ZFAT: variants seen among roughly 807,000 people sequenced by gnomAD.
The protein encoded by ZFAT is zinc finger protein ZFAT.
A neutral mutation model predicts 117.7 loss-of-function variants in ZFAT; 64 were observed. The ratio of observed to expected loss-of-function variants is 0.54; its 90% CI spans 0.44 to 0.67. The LOEUF is 0.67. ZFAT is among the 30% of genes least tolerant of loss of function. ZFAT has a pLI of 0.00. For missense variants in ZFAT, 1,433 were observed against 1,584.5 expected (o/e 0.90, Z 1.62); for synonymous variants, 679 against 615.0 (o/e 1.10, Z -1.54).
Position 134,654,707 on chromosome 8 carries a change from C to T in ZFAT, c.196+2854G>A, listed in dbSNP as rs117230525. Reference sequence around the variant, plus strand: ...GGTGACAGCTGGGACGGAGGGAGGGCAGCAAGGCCCAAGGCAAGAAAGCAA... The same window carrying T: ...GGTGACAGCTGGGACGGAGGGAGGGTAGCAAGGCCCAAGGCAAGAAAGCAA... On this transcript the variant is annotated intron_variant, in intron 2 of 15. Coordinates refer to ENST00000377838, the MANE Select transcript of ZFAT (RefSeq NM_020863.4). 7.9e-3 allele frequency among the ~76,000 whole-genome samples: 1,204 copies of T among 152,302 alleles called. 9 individuals carry two copies. The highest frequency in any genetic ancestry group is 0.013 in the Non-Finnish European group (903 of 68,024).
the ZFAT span, among the ~76,000 whole-genome samples, chr8:134,790,142 T>C: frequency 1.3e-5 from 2 of 150,196 alleles, no homozygotes; most frequent in Admixed American, 1.3e-4. Context: ...GATTAAAGGT[T>C]TTCAGACTGA....
chr8:134,784,963 G>A, the ZFAT span: 1 of 152,046 alleles, frequency 6.6e-6, no homozygotes, highest in Non-Finnish European at 1.5e-5. Context: ...TAAGTGTTCT[G>A]ACAATTTCTG....
At chr8:134,734,537 G>A in the ZFAT span, among the ~76,000 whole-genome samples, 2 of 152,244 alleles carry the variant, frequency 1.3e-5, no homozygotes, top group East Asian at 1.9e-4. Context: ...TTATCTTGGT[G>A]AAGCTGCATG....
chr8:134,793,978 G>C, the ZFAT span: 1 of 152,182 alleles, frequency 6.6e-6, no homozygotes. Context: ...CAAAAAATAT[G>C]AAGTCAAAAT....
chr8:134,514,021 G>T (rs888598624), intron 13 of ZFAT, among the ~76,000 whole-genome samples: 3 of 152,238 alleles, frequency 2.0e-5, no homozygotes, highest in Non-Finnish European at 4.4e-5. Context: ...AACCTGAAAG[G>T]TTCCTCCTCA....
At chr8:134,815,264 TATA>T in the ZFAT span, among the ~76,000 whole-genome samples, 1 of 152,216 alleles carries the variant, frequency 6.6e-6, no homozygotes, top group Non-Finnish European at 1.5e-5. Flanking sequence ...CTGTAACATC[TATA>T]ATTGCATAAC....
At chr8:134,755,451 T>C in the ZFAT span, among the ~76,000 whole-genome samples, 9 of 151,036 alleles carry the variant, frequency 6.0e-5, no homozygotes, top group African/African-American at 2.2e-4. Context: ...AAGTGGTTTT[T>C]GGTTACATGG....
At chr8:134,614,274 C>A (rs949972143) in intron 3 of ZFAT, among the ~76,000 whole-genome samples, 2 of 152,190 alleles carry the variant, frequency 1.3e-5, no homozygotes, top group Admixed American at 1.3e-4. Flanking sequence ...TTATCTCCTA[C>A]CCCTTTGGGC....
chr8:134,577,552 T>C (rs529513637), intron 10 of ZFAT, among the ~76,000 whole-genome samples: 1 of 152,354 alleles, frequency 6.6e-6, no homozygotes, highest in South Asian at 2.1e-4. Context: ...TGAGTACTAC[T>C]ATATCGCAAC....
chr8:134,774,833 T>C, the ZFAT span, among the ~76,000 whole-genome samples: 15 of 151,932 alleles, frequency 9.9e-5, no homozygotes, highest in African/African-American at 3.1e-4. Context: ...TAGAACACAG[T>C]CAGCCAGGCA....
At chr8:134,705,367 G>GTTTTT (rs34419061) in intron 1 of ZFAT, among the ~76,000 whole-genome samples, 1 of 117,418 alleles carries the variant, frequency 8.5e-6, no homozygotes, top group Non-Finnish European at 1.8e-5. Context: ...TGCCCAGCTG[G>GTTTTT]TTTTTTTTTG....
chr8:134,720,952 C>G, the ZFAT span, among the ~76,000 whole-genome samples: 137,914 of 152,248 alleles, frequency 0.91, 62,764 homozygotes, highest in African/African-American at 0.97. Context: ...TGAATAAGAA[C>G]CCTCCTCCCA....
the ZFAT span, among the ~76,000 whole-genome samples, chr8:134,822,518 T>C: frequency 6.6e-6 from 1 of 152,074 alleles, no homozygotes; most frequent in Non-Finnish European, 1.5e-5. Flanking sequence ...ATTTGAAAAA[T>C]TTCTGATTTT....
chr8:134,616,740 G>T (rs1452708731), intron 3 of ZFAT, among the ~76,000 whole-genome samples: 1 of 152,176 alleles, frequency 6.6e-6, no homozygotes, highest in African/African-American at 2.4e-5. Context: ...CAAACCAGCT[G>T]GCCTGAGCAG....
the ZFAT span, among the ~76,000 whole-genome samples, chr8:134,744,243 A>G: frequency 6.6e-6 from 1 of 150,930 alleles, no homozygotes; most frequent in Admixed American, 6.6e-5. Context: ...ATCTTTTTGC[A>G]GGCTGTTGTT....
the ZFAT span, among the ~76,000 whole-genome samples, chr8:134,819,627 T>C: frequency 2.0e-5 from 3 of 151,876 alleles, no homozygotes; most frequent in African/African-American, 7.3e-5. Context: ...CTTTCTGGGC[T>C]CCTATTCCAC....
chr8:134,701,372 T>A (rs146517160), intron 1 of ZFAT, among the ~76,000 whole-genome samples: 35 of 152,336 alleles, frequency 2.3e-4, no homozygotes, highest in African/African-American at 7.9e-4. Flanking sequence ...TAAGGCTGAA[T>A]AATACTTTAT....
chr8:134,549,459 AAAG>A (rs1365459358), intron 11 of ZFAT, among the ~76,000 whole-genome samples: 2,698 of 147,892 alleles, frequency 0.018, 70 homozygotes, highest in African/African-American at 0.066. Flanking sequence ...AAAAAAAAAA[AAAG>A]AAGAAGAAGA....
intron 1 of ZFAT, among the ~76,000 whole-genome samples, chr8:134,671,331 G>T (rs1436069815): frequency 6.6e-6 from 1 of 152,188 alleles, no homozygotes; most frequent in East Asian, 1.9e-4. Context: ...TATCCCTGAT[G>T]AACATCGATG....
Sources: gnomAD v4.1 joint callset for allele counts (sites outside exome capture counted in the v4.1 genomes callset) on GRCh38, gnomAD v4.1.1 for gene constraint, MANE v1.5 for transcripts, NCBI Gene and HGNC (gene_info 2026-07-23, HGNC 2026-07-21) for gene names.